DOCK9: variants seen among roughly 807,000 people sequenced by gnomAD.
DOCK9 encodes dedicator of cytokinesis protein 9.
A neutral mutation model predicts 263.3 loss-of-function variants in DOCK9; 89 were observed. The ratio of observed to expected loss-of-function variants is 0.34; its 90% CI spans 0.28 to 0.40. The LOEUF (loss-of-function observed/expected upper bound fraction) is 0.40, where lower values mean the gene tolerates loss of function less well. Among genes scored for constraint, DOCK9 ranks in the 10% least tolerant of loss-of-function variants. DOCK9 has a pLI of 1.00. For synonymous variants in DOCK9, 976 were observed against 973.1 expected (o/e 1.00, Z -0.06); for missense variants, 2,140 against 2,603.4 (o/e 0.82, Z 3.87).
chr13:98,846,466 A>G, intron 37 of DOCK9: 5 of 1,284,728 alleles, frequency 3.9e-6, no homozygotes, highest in Non-Finnish European at 4.2e-6. Context: ...GAAGACACAG[A>G]GAACAAACAT....
intron 1 of DOCK9, among the ~76,000 whole-genome samples, chr13:99,021,638 CAAAA>C (rs61660903): frequency 0.012 from 1,224 of 101,528 alleles, 6 homozygotes; most frequent in Non-Finnish European, 0.018. Context: ...GACTCTGTCT[CAAAA>C]AAAAAAAAAA....
At chr13:98,937,859 TTCCTCTTA>T (rs1313216626) in intron 2 of DOCK9, among the ~76,000 whole-genome samples, 1 of 152,224 alleles carries the variant, frequency 6.6e-6, no homozygotes, top group Non-Finnish European at 1.5e-5. Context: ...GAAAAGTTTT[TTCCTCTTA>T]GTTGAAATGA....
intron 3 of DOCK9, among the ~76,000 whole-genome samples, chr13:98,928,137 T>A (rs2053336749): frequency 6.6e-6 from 1 of 152,100 alleles, no homozygotes; most frequent in South Asian, 2.1e-4. Flanking sequence ...AAGCACAGAA[T>A]TAGGCAAGCA....
chr13:98,874,981 C>G (rs1327620951), intron 27 of DOCK9, among the ~76,000 whole-genome samples: 2 of 152,138 alleles, frequency 1.3e-5, no homozygotes, highest in Non-Finnish European at 2.9e-5. Flanking sequence ...AGCGGCCTTA[C>G]CTGGGCCTGA....
intron 34 of DOCK9, among the ~76,000 whole-genome samples, chr13:98,854,352 G>GA (rs2093648952): frequency 6.6e-6 from 1 of 151,396 alleles, no homozygotes; most frequent in Admixed American, 6.6e-5. Context: ...AACAATAGTG[G>GA]AAAAAAGATG....
intron 19 of DOCK9, 77 bp from the exon 20 acceptor site, chr13:98,885,908 T>C: frequency 2.8e-6 from 4 of 1,415,366 alleles, no homozygotes; most frequent in East Asian, 2.4e-5. Flanking sequence ...ACAGTATGTG[T>C]TACCCAACGC....
In DOCK9 at chr13:98,870,790, C is replaced by T. The variant is rs535570310; in HGVS notation, c.2944-2413G>A. Reference sequence around the variant, plus strand: ...TCCAACCACAAGTTCACAGGGAACACGGGGCAGAGAACCACGTATGTAACA... The same window carrying T: ...TCCAACCACAAGTTCACAGGGAACATGGGGCAGAGAACCACGTATGTAACA... On this transcript the variant is annotated intron_variant, in intron 27 of 52. Transcript: ENST00000682017. Among the ~76,000 whole-genome samples, 8 of 151,820 alleles carry T rather than the reference C, an allele frequency of 5.3e-5. No homozygotes were observed. The East Asian group carries it at 1.4e-3, about 26-fold the overall frequency.
rs1229946138 is a variant in DOCK9, at chr13:98,829,865, G to A, written c.4636-109C>T. On this transcript the variant is annotated intron_variant, in intron 41 of 52. Transcript: ENST00000682017. The surrounding 1 kb of genome is among the most constrained non-coding windows in gnomAD (Gnocchi z 4.1). ...CTAAGGACCCAGCAAAGTGGGGGTT[G>A]GGGGGTGCTTTGAGCAGGGGTCGCT... The A allele has an allele frequency of 3.7e-5, 33 of 894,286 alleles. No individual in the cohort carries two copies. The highest frequency in any genetic ancestry group is 5.5e-5 in the Non-Finnish European group (31 of 562,000). The allele number at this position is 894,286 out of a possible 1,614,324, so 55.4% of individuals were successfully genotyped here.
At position 98,844,869 on chromosome 13, in the gene DOCK9, C is replaced by T. The variant is rs528170916; in HGVS notation, c.4198+1055G>A. 6.6e-4 allele frequency among the ~76,000 whole-genome samples: 101 copies of T among 152,086 alleles called. No individual in the cohort carries two copies. In the South Asian group the frequency reaches 0.019, roughly 28 times the overall value. The stretch of plus-strand genomic sequence containing the variant: ...TAAAAAGAGGTGTGAAAAATCACAG[C>T]GAATGGAATTTATTATTAGACATGA... On this transcript the variant is annotated intron_variant, in intron 38 of 52. Transcript: ENST00000682017.
intron 45 of DOCK9, among the ~76,000 whole-genome samples, chr13:98,810,653 G>A (rs1208564978): frequency 6.6e-6 from 1 of 152,022 alleles, no homozygotes; most frequent in Non-Finnish European, 1.5e-5. Flanking sequence ...TTCCTTTTCT[G>A]AGGAACAATG....
At chr13:98,852,269 T>G (rs1192093975) in intron 35 of DOCK9, among the ~76,000 whole-genome samples, 2 of 152,188 alleles carry the variant, frequency 1.3e-5, no homozygotes, top group East Asian at 3.8e-4. Flanking sequence ...TGCTAGTGTA[T>G]TTGGTCATCA....
chr13:98,914,623 T>A (rs147395303), intron 8 of DOCK9, among the ~76,000 whole-genome samples: 56 of 152,280 alleles, frequency 3.7e-4, no homozygotes, highest in African/African-American at 1.3e-3. Flanking sequence ...ACCGTCCAAT[T>A]AGAACTGACA....
At chr13:98,996,005 T>C (rs2390181) in intron 1 of DOCK9, among the ~76,000 whole-genome samples, 83,121 of 151,982 alleles carry the variant, frequency 0.55, 22,999 homozygotes, top group South Asian at 0.68. Context: ...GCAGATCATA[T>C]TGGGCCTTGT....
intron 1 of DOCK9, among the ~76,000 whole-genome samples, chr13:99,024,463 T>G (rs1886481503): frequency 6.6e-6 from 1 of 152,238 alleles, no homozygotes; most frequent in Non-Finnish European, 1.5e-5. Flanking sequence ...TGCATACAAA[T>G]GCACCCTTGA....
chr13:98,930,832 C>T (rs1245169228), intron 2 of DOCK9, among the ~76,000 whole-genome samples: 7 of 152,116 alleles, frequency 4.6e-5, no homozygotes, highest in African/African-American at 1.7e-4. Context: ...TTAGTAGAGA[C>T]GGGGTTTCTC....
chr13:98,888,104 T>C, intron 18 of DOCK9, 54 bp downstream of exon 18: 1 of 1,328,050 alleles, frequency 7.5e-7, no homozygotes, highest in South Asian at 1.3e-5. Context: ...AAGTGCATTT[T>C]GAAAATGGAA....
At chr13:99,029,607 T>C (rs1332429549) in intron 1 of DOCK9, among the ~76,000 whole-genome samples, 2 of 152,144 alleles carry the variant, frequency 1.3e-5, no homozygotes, top group South Asian at 2.1e-4. Flanking sequence ...TTTAGGAAAA[T>C]GCAAATTAAA....
chr13:98,922,206 T>G, intron 5 of DOCK9, 60 bp from the exon 6 acceptor site: 1 of 1,339,134 alleles, frequency 7.5e-7, no homozygotes. Flanking sequence ...TTGCTTGCTG[T>G]GAGTTTGGTC....
chr13:98,823,854 T>A (rs949399660), intron 45 of DOCK9, among the ~76,000 whole-genome samples: 2 of 152,192 alleles, frequency 1.3e-5, no homozygotes, highest in African/African-American at 4.8e-5. Context: ...TGCTGGTCTC[T>A]GTAGGGGGTG....
Sources: allele counts gnomAD v4.1 joint callset (sites outside exome capture counted in the v4.1 genomes callset), GRCh38; gene constraint gnomAD v4.1.1; non-coding constraint Gnocchi (gnomAD v3.1); transcripts MANE v1.5; gene names NCBI Gene and HGNC (gene_info 2026-07-23, HGNC 2026-07-21).